The following ELP4 variants were observed in gnomAD, a reference collection of about 807,000 sequenced individuals.
ELP4 encodes elongator acetyltransferase complex subunit 4, also known as elongator complex protein 4.
In ELP4, 51 loss-of-function variants were observed where a neutral mutation model predicts 48.9. The ratio of observed to expected loss-of-function variants is 1.04; its 90% CI spans 0.83 to 1.32. ELP4 has a LOEUF of 1.32. Among genes scored for constraint, ELP4 ranks in the 40% most tolerant of loss-of-function variants. The pLI is 0.00. For missense variants in ELP4, 519 were observed against 514.6 expected, an observed-to-expected ratio of 1.01 and a Z score of -0.08; for synonymous variants, 210 against 189.2, an observed-to-expected ratio of 1.11 and a Z score of -0.90.
intron 9 of ELP4, among the ~76,000 whole-genome samples, chr11:31,779,190 G>GTA (rs1195792040): frequency 6.6e-6 from 1 of 152,172 alleles, no homozygotes; most frequent in Non-Finnish European, 1.5e-5. Context: ...AAGGGTCAAA[G>GTA]TATACTACAT....
At chr11:31,588,420 A>G (rs984044806) in intron 3 of ELP4, among the ~76,000 whole-genome samples, 5 of 152,288 alleles carry the variant, frequency 3.3e-5, no homozygotes, top group African/African-American at 9.6e-5. Flanking sequence ...CCAGCAGTGA[A>G]TAAGACTTCC....
intron 3 of ELP4, among the ~76,000 whole-genome samples, chr11:31,577,195 T>A (rs1957299371): frequency 6.6e-6 from 1 of 152,106 alleles, no homozygotes; most frequent in South Asian, 2.1e-4. Context: ...AAGAAATGGA[T>A]AAATTCCTGG....
chr11:31,573,222 T>A (rs750425329), intron 3 of ELP4, among the ~76,000 whole-genome samples: 3 of 152,192 alleles, frequency 2.0e-5, no homozygotes, highest in Non-Finnish European at 2.9e-5. Context: ...GCAGTCTGTC[T>A]CCCTACCACC....
At chr11:31,706,749 C>T (rs1946642726) in intron 9 of ELP4, among the ~76,000 whole-genome samples, 1 of 151,888 alleles carries the variant, frequency 6.6e-6, no homozygotes, top group African/African-American at 2.4e-5. Flanking sequence ...CCCATCCCAA[C>T]ATCTAGTACC....
At chr11:31,545,842 A>G (rs1956699325) in intron 3 of ELP4, among the ~76,000 whole-genome samples, 1 of 152,216 alleles carries the variant, frequency 6.6e-6, no homozygotes, top group East Asian at 1.9e-4. Context: ...ACATTCTTAA[A>G]GAAAAGAATA....
chr11:31,551,420 A>C (rs138863024), intron 3 of ELP4, among the ~76,000 whole-genome samples: 5 of 152,104 alleles, frequency 3.3e-5, no homozygotes. Flanking sequence ...CTTCAACCCA[A>C]GCTTTACCAT....
chr11:31,616,708 T>G (rs1052188875), intron 5 of ELP4, among the ~76,000 whole-genome samples: 1 of 152,044 alleles, frequency 6.6e-6, no homozygotes, highest in African/African-American at 2.4e-5. Flanking sequence ...AAAGAACTCC[T>G]ACGACTTGAC....
chr11:31,772,273 A>G (rs1010247726), intron 9 of ELP4, among the ~76,000 whole-genome samples: 14 of 152,116 alleles, frequency 9.2e-5, no homozygotes, highest in Admixed American at 9.2e-4. Flanking sequence ...GATTCCAGGC[A>G]TGCACCATGA....
intron 1 of ELP4, among the ~76,000 whole-genome samples, chr11:31,517,907 C>T (rs558531855): frequency 1.3e-5 from 2 of 151,642 alleles, no homozygotes; most frequent in East Asian, 2.0e-4. Flanking sequence ...CGTGAGCCAC[C>T]GCACCCGGCC....
intron 9 of ELP4, 40 bp from the exon 10 acceptor site, chr11:31,783,353 C>G: frequency 6.3e-7 from 1 of 1,582,408 alleles, no homozygotes; most frequent in Non-Finnish European, 8.6e-7. Context: ...TTTTTTTCTT[C>G]TTTCTTCTTT....
intron 9 of ELP4, among the ~76,000 whole-genome samples, chr11:31,774,316 T>C (rs1304092602): frequency 6.6e-6 from 1 of 152,212 alleles, no homozygotes; most frequent in Non-Finnish European, 1.5e-5. Flanking sequence ...TTCTCTGAGG[T>C]GGCTCCCATT....
chr11:31,539,430 G>A (rs2133905941), intron 2 of ELP4, among the ~76,000 whole-genome samples: 1 of 152,212 alleles, frequency 6.6e-6, no homozygotes, highest in East Asian at 1.9e-4. Flanking sequence ...CTCCAGCCTG[G>A]GCGACAGAAC....
chr11:31,602,564 ACT>A lies in ELP4; in HGVS notation c.514-1201_514-1200del, dbSNP rs367642136. ...TAAAAAATAAATGTCAAACCCACAGACTCTGAATCTGAAAAAAGTATTTCTAT... is the reference window on the plus strand; with the variant it reads ...TAAAAAATAAATGTCAAACCCACAGACTGAATCTGAAAAAAGTATTTCTAT... On this transcript the variant is annotated intron_variant, in intron 4 of 9. Transcript: ENST00000640961. 3.3e-3 allele frequency among the ~76,000 whole-genome samples: 504 copies of A among 151,948 alleles called. 4 individuals carry two copies. Among genetic ancestry groups the A allele is most frequent in the African/African-American group, 0.012 (485 of 41,528 alleles).
At chr11:31,780,573 G>T (rs964025379) in intron 9 of ELP4, 2 of 152,090 alleles carry the variant, frequency 1.3e-5, no homozygotes, top group African/African-American at 4.8e-5. Context: ...AAATTTTTAT[G>T]CTCAGAAGTC....
chr11:31,723,220 G>A (rs955120809), intron 9 of ELP4, among the ~76,000 whole-genome samples: 4 of 152,134 alleles, frequency 2.6e-5, no homozygotes, highest in Admixed American at 1.3e-4. Flanking sequence ...ACTAAGGAAG[G>A]AGAAAGGAGG....
chr11:31,752,587 C>G (rs113194751), intron 9 of ELP4, among the ~76,000 whole-genome samples: 34 of 152,074 alleles, frequency 2.2e-4, no homozygotes, highest in African/African-American at 7.5e-4. Context: ...GTAATCCCAG[C>G]ACTTTGGGAG....
Position 31,704,372 on chromosome 11 carries a change from C to A in ELP4, c.1143+54151C>A, listed in dbSNP as rs374720716. ...TGAAGCTGGAAACCATCATTCTCAG[C>A]AAACTATCGCAAGAACAAAAAACCA... On this transcript the variant is annotated intron_variant, in intron 9 of 9. Transcript: ENST00000640961. Among the ~76,000 whole-genome samples, 138 of 152,140 alleles carry A rather than the reference C, an allele frequency of 9.1e-4. 4 individuals carry two copies. The South Asian group carries it at 0.017, about 19-fold the overall frequency.
chr11:31,629,463 G>A (rs1273178943), intron 6 of ELP4, among the ~76,000 whole-genome samples: 1 of 151,760 alleles, frequency 6.6e-6, no homozygotes, highest in Non-Finnish European at 1.5e-5. Context: ...TATATCTGTT[G>A]TGCTGGGTAC....
intron 9 of ELP4, among the ~76,000 whole-genome samples, chr11:31,669,816 A>G (rs1157648552): frequency 6.6e-6 from 1 of 152,222 alleles, no homozygotes; most frequent in African/African-American, 2.4e-5. Context: ...GGAGAAGGGT[A>G]TTAGTAATCA....
Sources: allele counts gnomAD v4.1 joint callset (sites outside exome capture counted in the v4.1 genomes callset), GRCh38; gene constraint gnomAD v4.1.1; transcripts MANE v1.5; gene names NCBI Gene and HGNC (gene_info 2026-07-23, HGNC 2026-07-21).